Variants in ESR1 observed in about 807,000 individuals in gnomAD.
The protein encoded by ESR1 is estrogen receptor 1.
ESR1 carries 12 observed loss-of-function variants against 52.7 expected under a neutral mutation model. That is an observed-to-expected ratio of 0.23 (90% CI 0.15 to 0.37). ESR1 has a LOEUF of 0.37. ESR1 is among the 10% of genes least tolerant of loss of function. The pLI is 1.00. For missense variants in ESR1, 584 were observed against 779.7 expected (o/e 0.75, Z 2.99); for synonymous variants, 305 against 316.8 (o/e 0.96, Z 0.39).
intron 3 of ESR1, among the ~76,000 whole-genome samples, chr6:151,931,288 G>A (rs896892072): frequency 4.6e-5 from 7 of 151,818 alleles, no homozygotes; most frequent in East Asian, 1.9e-4. Context: ...TTCCTTGGCC[G>A]TGTTGAATCA....
intron 2 of ESR1, among the ~76,000 whole-genome samples, chr6:151,855,570 A>G (rs1562481414): frequency 6.6e-6 from 1 of 152,220 alleles, no homozygotes; most frequent in Admixed American, 6.5e-5. Context: ...TATGTATTGA[A>G]TGACTATTTT....
intron 1 of ESR1, among the ~76,000 whole-genome samples, chr6:151,668,617 C>G (rs976010114): frequency 3.9e-5 from 6 of 152,090 alleles, no homozygotes; most frequent in Admixed American, 1.3e-4. Context: ...ATAAGGGCAC[C>G]TAATTTCATT....
At chr6:151,999,290 A>G (rs981670335) in intron 4 of ESR1, among the ~76,000 whole-genome samples, 9 of 152,118 alleles carry the variant, frequency 5.9e-5, no homozygotes, top group Non-Finnish European at 2.9e-5. Flanking sequence ...TTGCATTTAC[A>G]TTTAATCTTC....
intron 2 of ESR1, among the ~76,000 whole-genome samples, chr6:151,856,494 C>T (rs1444766483): frequency 6.6e-6 from 1 of 152,156 alleles, no homozygotes; most frequent in Non-Finnish European, 1.5e-5. Flanking sequence ...AGATGATACA[C>T]TTAGATACAC....
intron 4 of ESR1, among the ~76,000 whole-genome samples, chr6:151,996,943 G>C (rs1160667620): frequency 6.6e-6 from 1 of 152,038 alleles, no homozygotes; most frequent in Admixed American, 6.5e-5. Context: ...AAGGAGATTT[G>C]AGTGACAAAC....
chr6:151,885,373 A>G (rs915676211), intron 3 of ESR1, among the ~76,000 whole-genome samples: 2 of 152,176 alleles, frequency 1.3e-5, no homozygotes, highest in Middle Eastern at 3.2e-3. Flanking sequence ...AGTCCAACTC[A>G]GAGTATTACT....
intron 4 of ESR1, among the ~76,000 whole-genome samples, chr6:151,992,510 A>G (rs1340337282): frequency 6.6e-6 from 1 of 152,168 alleles, no homozygotes; most frequent in Non-Finnish European, 1.5e-5. Context: ...ATAGCACCCA[A>G]TACATAGAAG....
At chr6:152,088,449 A>C (rs1318125060) in intron 6 of ESR1, among the ~76,000 whole-genome samples, 2 of 152,222 alleles carry the variant, frequency 1.3e-5, no homozygotes, top group Non-Finnish European at 2.9e-5. Context: ...TCCAAAACTC[A>C]TGTTGAAATT....
At chr6:151,847,053 T>A (rs1785255952) in intron 2 of ESR1, among the ~76,000 whole-genome samples, 1 of 152,174 alleles carries the variant, frequency 6.6e-6, no homozygotes, top group Non-Finnish European at 1.5e-5. Context: ...ATTATTTCTA[T>A]AAGGTGCCAA....
intron 2 of ESR1, among the ~76,000 whole-genome samples, chr6:151,726,504 G>T (rs1031573296): frequency 5.9e-5 from 9 of 151,900 alleles, no homozygotes; most frequent in African/African-American, 1.9e-4. Context: ...GCTAATTTTT[G>T]TGTGTGTGTT....
intron 4 of ESR1, among the ~76,000 whole-genome samples, chr6:151,980,541 A>G (rs2039892252): frequency 6.6e-6 from 1 of 152,224 alleles, no homozygotes; most frequent in South Asian, 2.1e-4. Context: ...GGTGACAAAA[A>G]GATACACGAC....
At chr6:152,045,291 G>C (rs2046137905) in intron 5 of ESR1, among the ~76,000 whole-genome samples, 2 of 152,228 alleles carry the variant, frequency 1.3e-5, no homozygotes, top group South Asian at 4.1e-4. Flanking sequence ...CTGGCACCGT[G>C]CACTTGGCCA....
chr6:151,825,102 C>A (rs1400764800), intron 1 of ESR1, among the ~76,000 whole-genome samples: 1 of 151,880 alleles, frequency 6.6e-6, no homozygotes, highest in Non-Finnish European at 1.5e-5. Context: ...CTCTGAAATG[C>A]TTTTTGAAGT....
intron 3 of ESR1, among the ~76,000 whole-genome samples, chr6:151,920,308 T>C (rs1330021485): frequency 6.6e-6 from 1 of 152,054 alleles, no homozygotes; most frequent in African/African-American, 2.4e-5. Flanking sequence ...CTGCTTTTTT[T>C]TTTTTTTGAA....
At chr6:151,734,245 G>A (rs1326974687) in intron 2 of ESR1, among the ~76,000 whole-genome samples, 1 of 152,204 alleles carries the variant, frequency 6.6e-6, no homozygotes, top group African/African-American at 2.4e-5. Context: ...GGCTGCTTGT[G>A]AGAAAATGAG....
At chr6:151,708,674 A>G (rs1780353180) in intron 2 of ESR1, among the ~76,000 whole-genome samples, 1 of 151,942 alleles carries the variant, frequency 6.6e-6, no homozygotes, top group Non-Finnish European at 1.5e-5. Context: ...GCATCTTTTC[A>G]CATTATTGTT....
chr6:151,777,123 C>CTT (rs768370394), intron 2 of ESR1, among the ~76,000 whole-genome samples: 28 of 133,546 alleles, frequency 2.1e-4, no homozygotes, highest in Non-Finnish European at 1.9e-4. Flanking sequence ...CTTTTCTTTT[C>CTT]TTTTTTTTTT....
chr6:152,015,154 G>A (rs1325197865), intron 5 of ESR1, among the ~76,000 whole-genome samples: 1 of 152,132 alleles, frequency 6.6e-6, no homozygotes, highest in Non-Finnish European at 1.5e-5. Context: ...AAGAGTCACA[G>A]GTGACCCAGT....
intron 1 of ESR1, among the ~76,000 whole-genome samples, chr6:151,697,266 CA>C (rs1214858154): frequency 6.6e-6 from 1 of 152,044 alleles, no homozygotes; most frequent in Non-Finnish European, 1.5e-5. Context: ...TTGTTTTTTG[CA>C]ATCATGATTG....
Sources: gnomAD v4.1 joint callset for allele counts (sites outside exome capture counted in the v4.1 genomes callset) on GRCh38, gnomAD v4.1.1 for gene constraint, MANE v1.5 for transcripts, NCBI Gene and HGNC (gene_info 2026-07-23, HGNC 2026-07-21) for gene names.